ANKRD35: variants seen among roughly 807,000 people sequenced by gnomAD.
ANKRD35 encodes ankyrin repeat domain-containing protein 35.
A neutral mutation model predicts 109.9 loss-of-function variants in ANKRD35; 102 were observed. That is an observed-to-expected ratio of 0.93 (90% CI 0.79 to 1.09). The LOEUF is 1.09. Ranked by LOEUF, ANKRD35 falls within the 50% of genes least tolerant of loss-of-function variation. The probability of loss-of-function intolerance (pLI) is 0.00; values close to 1 mark genes in which losing one functional copy is unlikely to be tolerated. For missense variants in ANKRD35, 1,240 were observed against 1,230.1 expected (o/e 1.01, Z -0.12); for synonymous variants, 515 against 512.4 (o/e 1.01, Z -0.07).
intron 10 of ANKRD35, 91 bp from the exon 11 acceptor site, chr1:145,868,491 T>C (rs930766394): frequency 1.4e-5 from 14 of 1,029,574 alleles, no homozygotes; most frequent in Non-Finnish European, 2.1e-5. Context: ...GAGTATTTAA[T>C]ATGTGCCAAT....
At chr1:145,881,078 G>A (rs902117304) in intron 1 of ANKRD35, among the ~76,000 whole-genome samples, 4 of 152,200 alleles carry the variant, frequency 2.6e-5, no homozygotes, top group African/African-American at 9.7e-5. Context: ...CTGAGGTCAG[G>A]AGTTCAAGAC....
In ANKRD35 at chr1:145,876,210, C is replaced by G; in HGVS notation, c.490G>C (p.Gly164Arg). ...RTPLMIASLG[G>R]HAAICSQLLQ... ...AGCTGTGAGCAGATAGCTGCGTGCC[C>G]ACCCAGCGATGCGATCATCAGGGGT... Residue 164 changes from glycine (G) to arginine (R), a missense_variant, in exon 7 of 14, where the codon GGG becomes CGG. By Grantham distance (125) the Gly-to-Arg change is moderately radical (BLOSUM62 -2). Transcript: ENST00000355594. 1 of 1,614,008 alleles carries G rather than the reference C, an allele frequency of 6.2e-7. No individual in the cohort carries two copies. The highest frequency in any genetic ancestry group is 8.5e-7 in the Non-Finnish European group (1 of 1,179,974).
chr1:145,872,454 T>C lies in ANKRD35; in HGVS notation c.2315A>G (p.Lys772Arg). 1 of 1,606,524 alleles carries C rather than the reference T, an allele frequency of 6.2e-7. No individual in the cohort carries two copies. The highest frequency in any genetic ancestry group is 8.5e-7 in the Non-Finnish European group (1 of 1,177,076). Residue 772 changes from lysine to arginine, a missense_variant, in exon 10 of 14, where the codon AAG becomes AGG. Transcript: ENST00000355594. Reference sequence around the variant, plus strand: ...GGCCACTTGGGGGGATGCTGGGGCCTTTAAGGAGGTGCCTGGCTCCCTACA... The same window carrying C: ...GGCCACTTGGGGGGATGCTGGGGCCCTTAAGGAGGTGCCTGGCTCCCTACA... ...SPCREPGTSL[K>R]APASPQVAAL...
chr1:145,872,086 C>G lies in ANKRD35; in HGVS notation c.2683G>C (p.Ala895Pro). The change falls in exon 10 of 14, where the codon GCC becomes CCC. Residue 895 changes from alanine (A) to proline (P), a missense_variant. Transcript: ENST00000355594. Reference protein sequence around the residue: ...AAQAAEQERQASEMRGRSEQF... With the variant: ...AAQAAEQERQPSEMRGRSEQF... The stretch of plus-strand genomic sequence containing the variant: ...TCGGAGCGCCCCCGCATCTCGCTGG[C>G]CTGGCGCTCTTGTTCGGCTGCCTGA... 1 of 1,613,418 alleles carries G rather than the reference C, an allele frequency of 6.2e-7. No individual in the cohort carries two copies. Among genetic ancestry groups the G allele is most frequent in the Non-Finnish European group, 8.5e-7 (1 of 1,179,790 alleles).
In ANKRD35 at chr1:145,876,181, C is replaced by A. The variant is rs782644079; in HGVS notation, c.519G>T (p.Leu173=). Residue 173 remains leucine, a synonymous_variant, in exon 7 of 14, where the codon CTG becomes CTT. Transcript: ENST00000355594. The part of the protein sequence containing the change: ...GGHAAICSQL[L]QRGARVNVTD... ...TAACATTAACTCGGGCGCCTCGCTGCAGCAGCTGTGAGCAGATAGCTGCGT... is the reference window on the plus strand; with the variant it reads ...TAACATTAACTCGGGCGCCTCGCTGAAGCAGCTGTGAGCAGATAGCTGCGT... 4 of 1,613,934 alleles carry A rather than the reference C, an allele frequency of 2.5e-6. No individual in the cohort carries two copies. The African/African-American group carries it at 5.3e-5, about 22-fold the overall frequency.
Position 145,873,088 on chromosome 1 carries a change from C to G in ANKRD35, c.1681G>C (p.Val561Leu), listed in dbSNP as rs375160795. The part of the protein sequence containing the change: ...AKAGLQVKPE[V>L]PSQESREGAL... Reference sequence around the variant, plus strand: ...CCCTCTCTGGACTCCTGGGAAGGAACCTCAGGTTTCACCTGTAGTCCTGCC... The same window carrying G: ...CCCTCTCTGGACTCCTGGGAAGGAAGCTCAGGTTTCACCTGTAGTCCTGCC... Residue 561 changes from valine (V) to leucine (L), a missense_variant, in exon 10 of 14, where the codon GTT becomes CTT. Val to Leu is a conservative substitution (Grantham distance 32, BLOSUM62 1). Transcript: ENST00000355594. The G allele has an allele frequency of 1.9e-5, 30 of 1,613,102 alleles. No individual in the cohort carries two copies. Among genetic ancestry groups the G allele is most frequent in the African/African-American group, 8.0e-5 (6 of 74,902 alleles).
chr1:145,884,075 G>A (rs1553741535), intron 1 of ANKRD35, among the ~76,000 whole-genome samples: 1 of 152,166 alleles, frequency 6.6e-6, no homozygotes, highest in Non-Finnish European at 1.5e-5. Context: ...TTGGAAAGGA[G>A]GTACTGCCCA....
At position 145,872,980 on chromosome 1, in the gene ANKRD35, C is replaced by T. The variant is rs1468171245; in HGVS notation, c.1789G>A (p.Gly597Arg). 5 of 1,610,532 alleles carry T rather than the reference C, an allele frequency of 3.1e-6. No individual in the cohort carries two copies. The highest frequency in any genetic ancestry group is 3.4e-6 in the Non-Finnish European group (4 of 1,178,478). Residue 597 changes from glycine (G) to arginine (R), a missense_variant, in exon 10 of 14, where the codon GGG becomes AGG. By Grantham distance (125) the Gly-to-Arg change is moderately radical (BLOSUM62 -2). Transcript: ENST00000355594. ...AGGGCCTTTTCCCCTCCAAGGGCCC[C>T]TAGAGGCTCTCCTTGAGCCCCAGGA... ...RVPGAQGEPL[G>R]ALGGEKALGG... is the part of the protein sequence containing the mutation.
chr1:145,878,982 A>G (rs187845340), intron 2 of ANKRD35, among the ~76,000 whole-genome samples: 8 of 152,290 alleles, frequency 5.3e-5, no homozygotes, highest in Non-Finnish European at 7.4e-5. Flanking sequence ...TACTTAGTGT[A>G]TATATTCATT....
intron 10 of ANKRD35, among the ~76,000 whole-genome samples, chr1:145,870,855 A>G (rs1653783783): frequency 6.6e-6 from 1 of 151,850 alleles, no homozygotes; most frequent in South Asian, 2.1e-4. Flanking sequence ...GGGAGCTGGG[A>G]TTACAGGCAC....
intron 10 of ANKRD35, among the ~76,000 whole-genome samples, chr1:145,869,652 A>G (rs1221821852): frequency 6.6e-6 from 1 of 151,854 alleles, no homozygotes; most frequent in Non-Finnish European, 1.5e-5. Flanking sequence ...ATTTTTTTGT[A>G]GAGTTGGGGT....
At chr1:145,879,228 T>G (rs374697990) in intron 2 of ANKRD35, 30 bp downstream of exon 2, 1 of 1,545,926 alleles carries the variant, frequency 6.5e-7, no homozygotes, top group Non-Finnish European at 8.7e-7. Flanking sequence ...GAGCCACATG[T>G]AAGGGGCAGG....
chr1:145,885,810 G>A lies in ANKRD35; in HGVS notation c.-52C>T, dbSNP rs1654456262. ...GGGACGCGCAGAGAGCCGGGCCACA[G>A]GTTCCCGAACCCACCGGACTTGGCT... On this transcript the variant is annotated 5_prime_UTR_variant, in exon 1 of 14. Transcript: ENST00000355594. 2.1e-6 allele frequency: 3 copies of A among 1,443,094 alleles called. 1 individual carries two copies. Among genetic ancestry groups the A allele is most frequent in the Non-Finnish European group, 9.7e-7 (1 of 1,025,892 alleles). 89.4% of individuals were successfully genotyped at this position (1,443,094 alleles called of 1,614,324 possible). A position where few individuals can be genotyped will look rare whatever the true frequency, so the allele number is the denominator to read the frequency against.
At chr1:145,883,561 T>C (rs10494240) in intron 1 of ANKRD35, among the ~76,000 whole-genome samples, 38,647 of 152,134 alleles carry the variant, frequency 0.25, 6,088 homozygotes, top group East Asian at 0.38. Context: ...TAACTTAGAT[T>C]AGCTTTAAAA....
chr1:145,881,052 A>C (rs182003136), intron 1 of ANKRD35, among the ~76,000 whole-genome samples: 7 of 152,320 alleles, frequency 4.6e-5, no homozygotes, highest in Admixed American at 3.9e-4. Context: ...TTGGGAGGCC[A>C]AGACGGGTGG....
chr1:145,878,886 T>C (rs1312962900), intron 2 of ANKRD35, among the ~76,000 whole-genome samples: 7 of 152,170 alleles, frequency 4.6e-5, no homozygotes, highest in Non-Finnish European at 8.8e-5. Flanking sequence ...CACTACTCCC[T>C]CTAGCCATGT....
chr1:145,872,559 A>T lies in ANKRD35; in HGVS notation c.2210T>A (p.Val737Glu), dbSNP rs1653874015. ...EELRACISTL[V>E]DRHREAQQVL... ...CTGCTGGGCCTCCCGGTGCCGATCC[A>T]CCAGGGTGCTGATGCAGGCCCGCAG... is the stretch of plus-strand genomic sequence containing the variant. Residue 737 changes from valine to glutamate, a missense_variant, in exon 10 of 14, where the codon GTG becomes GAG. Val to Glu is a moderately radical substitution (Grantham distance 121). Coordinates refer to ENST00000355594, the MANE Select transcript of ANKRD35 (RefSeq NM_144698.5). 6.2e-7 allele frequency: 1 copy of T among 1,610,412 alleles called. No homozygotes were observed. The highest frequency in any genetic ancestry group is 1.7e-5 in the Admixed American group (1 of 59,302).
intron 10 of ANKRD35, among the ~76,000 whole-genome samples, chr1:145,870,576 C>T (rs1183930589): frequency 6.6e-6 from 1 of 152,130 alleles, no homozygotes; most frequent in Non-Finnish European, 1.5e-5. Context: ...ACCCGATTGT[C>T]TACTTTCAAC....
intron 4 of ANKRD35, 129 bp downstream of exon 4, chr1:145,877,839 A>G (rs937230673): frequency 7.3e-6 from 6 of 826,058 alleles, no homozygotes; most frequent in East Asian, 5.3e-5. Flanking sequence ...ACAAATGATT[A>G]TCAGCCCTCC....
Sources: allele counts gnomAD v4.1 joint callset (sites outside exome capture counted in the v4.1 genomes callset), GRCh38; gene constraint gnomAD v4.1.1; transcripts MANE v1.5; gene names NCBI Gene and HGNC (gene_info 2026-07-23, HGNC 2026-07-21).